ARL15: variants seen among roughly 807,000 people sequenced by gnomAD.
ARL15 encodes the protein ADP-ribosylation factor-like protein 15.
A neutral mutation model predicts 25.2 loss-of-function variants in ARL15; 19 were observed. The observed-to-expected ratio is 0.75, with a 90% CI of 0.53 to 1.10. The LOEUF is 1.10. ARL15 is among the 50% of genes least tolerant of loss of function. The pLI, the probability that ARL15 is intolerant of heterozygous loss-of-function variation, is 0.00. For synonymous variants in ARL15, 94 were observed against 86.8 expected (o/e 1.08, Z -0.46); for missense variants, 220 against 246.0 (o/e 0.89, Z 0.71).
chr5:53,959,423 C>T (rs1343253030), intron 4 of ARL15, among the ~76,000 whole-genome samples: 8 of 152,050 alleles, frequency 5.3e-5, no homozygotes, highest in Middle Eastern at 3.2e-3. Flanking sequence ...AACATAAAAT[C>T]CTTGCCTTCA....
Position 53,956,286 on chromosome 5 carries a change from A to C in ARL15, c.463-69573T>G, listed in dbSNP as rs966090196. On this transcript the variant is annotated intron_variant, in intron 4 of 4. Coordinates refer to ENST00000504924, the MANE Select transcript of ARL15 (RefSeq NM_019087.3). Reference sequence around the variant, plus strand: ...AGTTTAGAAATGTCACTAAACTAACAGCTGCAGCTTACAGCAAACAACAAC... The same window carrying C: ...AGTTTAGAAATGTCACTAAACTAACCGCTGCAGCTTACAGCAAACAACAAC... Among the ~76,000 whole-genome samples, 6 of 152,136 alleles carry C rather than the reference A, an allele frequency of 3.9e-5. No homozygotes were observed. The East Asian group carries it at 5.8e-4, about 15-fold the overall frequency.
chr5:54,039,436 T>G (rs1252889568), intron 4 of ARL15, among the ~76,000 whole-genome samples: 1 of 152,210 alleles, frequency 6.6e-6, no homozygotes, highest in African/African-American at 2.4e-5. Flanking sequence ...TAATGAGGTT[T>G]CTACAGAACA....
At chr5:54,113,716 A>G (rs574688868) in intron 3 of ARL15, among the ~76,000 whole-genome samples, 1 of 152,314 alleles carries the variant, frequency 6.6e-6, no homozygotes, top group East Asian at 1.9e-4. Flanking sequence ...CTTAAACTCA[A>G]AAGGATATTT....
At chr5:54,273,957 G>T (rs990123894) in intron 1 of ARL15, among the ~76,000 whole-genome samples, 1 of 152,194 alleles carries the variant, frequency 6.6e-6, no homozygotes, top group Non-Finnish European at 1.5e-5. Flanking sequence ...TTTGGCTGAT[G>T]AAAGGCTCTA....
At chr5:54,286,725 AG>A (rs1479488286) in intron 1 of ARL15, among the ~76,000 whole-genome samples, 1 of 152,196 alleles carries the variant, frequency 6.6e-6, no homozygotes, top group East Asian at 1.9e-4. Context: ...AAAAGTATGG[AG>A]GGAGAGAAAT....
At chr5:54,196,653 G>A (rs1755558362) in intron 1 of ARL15, among the ~76,000 whole-genome samples, 3 of 151,948 alleles carry the variant, frequency 2.0e-5, no homozygotes, top group Admixed American at 2.0e-4. Flanking sequence ...GGGTAGAACA[G>A]AAAACACAAA....
chr5:54,084,157 G>A (rs274369), intron 4 of ARL15, among the ~76,000 whole-genome samples: 4 of 151,944 alleles, frequency 2.6e-5, no homozygotes, highest in East Asian at 1.9e-4. Context: ...ACTGCAGGCC[G>A]TTGGAGTGCT....
At chr5:54,067,847 T>C (rs1751290820) in intron 4 of ARL15, among the ~76,000 whole-genome samples, 1 of 152,180 alleles carries the variant, frequency 6.6e-6, no homozygotes, top group South Asian at 2.1e-4. Flanking sequence ...CATATTTCAG[T>C]TCCCTTTCTC....
chr5:54,169,530 G>C (rs1255563202), intron 2 of ARL15, among the ~76,000 whole-genome samples: 1 of 152,144 alleles, frequency 6.6e-6, no homozygotes, highest in Non-Finnish European at 1.5e-5. Context: ...TATGGAAAAA[G>C]ATTCCTACCT....
intron 4 of ARL15, among the ~76,000 whole-genome samples, chr5:54,060,129 TAAAAA>T (rs1165458695): frequency 1.3e-5 from 1 of 77,562 alleles, no homozygotes; most frequent in Non-Finnish European, 2.5e-5. Flanking sequence ...ATCTGATGAC[TAAAAA>T]AAAAAAAAAA....
At chr5:54,140,461 TAGATAG>T (rs1554043186) in intron 3 of ARL15, among the ~76,000 whole-genome samples, 237 of 123,566 alleles carry the variant, frequency 1.9e-3, no homozygotes, top group Non-Finnish European at 3.0e-3. Flanking sequence ...GATAGATAGA[TAGATAG>T]AGATAGAGAT....
Position 54,310,531 on chromosome 5 carries a change from C to T in ARL15, c.-52G>A, listed in dbSNP as rs1758871124. ...CTCCGAACCCGGAAAAAAAAAGCAG[C>T]GTCTCTGGCTGCGAGCGAGCAGCTC... On this transcript the variant is annotated 5_prime_UTR_variant, in exon 1 of 5. Coordinates refer to ENST00000504924, the MANE Select transcript of ARL15 (RefSeq NM_019087.3). The T allele has an allele frequency of 1.9e-6, 3 of 1,557,612 alleles. No individual in the cohort carries two copies. Among genetic ancestry groups the T allele is most frequent in the African/African-American group, 2.7e-5 (2 of 72,864 alleles).
intron 4 of ARL15, among the ~76,000 whole-genome samples, chr5:54,024,110 T>G (rs1247779859): frequency 1.3e-5 from 2 of 152,232 alleles, no homozygotes; most frequent in South Asian, 4.1e-4. Flanking sequence ...CTCCTATTAA[T>G]CTGCCTTTTG....
intron 4 of ARL15, among the ~76,000 whole-genome samples, chr5:53,956,126 C>G (rs1401523066): frequency 6.6e-6 from 1 of 152,060 alleles, no homozygotes; most frequent in East Asian, 1.9e-4. Context: ...TTCTTCCCCC[C>G]ACCCCACTTC....
intron 1 of ARL15, among the ~76,000 whole-genome samples, chr5:54,235,837 G>C (rs1208369460): frequency 6.6e-6 from 1 of 152,106 alleles, no homozygotes; most frequent in Non-Finnish European, 1.5e-5. Context: ...AATAATGGAA[G>C]GGCATTTGAC....
At chr5:54,029,333 T>TACCACCACCACCACCACCACCACCACC (rs34152775) in intron 4 of ARL15, among the ~76,000 whole-genome samples, 5 of 94,668 alleles carry the variant, frequency 5.3e-5, no homozygotes, top group East Asian at 2.5e-4. Flanking sequence ...CCACCACCAC[T>TACCACCACCACCACCACCACCACCACC]ACCACCACCA....
chr5:53,984,397 G>T (rs1156771630), intron 4 of ARL15, among the ~76,000 whole-genome samples: 2 of 151,712 alleles, frequency 1.3e-5, no homozygotes, highest in Non-Finnish European at 2.9e-5. Context: ...CCTTTCTTTT[G>T]CTTTTTCCTT....
rs1752337416 is a variant in ARL15, at chr5:54,098,076, T to C, written c.462+15126A>G. Among the ~76,000 whole-genome samples, 3 of 152,298 alleles carry C rather than the reference T, an allele frequency of 2.0e-5. No homozygotes were observed. The South Asian group carries it at 6.2e-4, about 32-fold the overall frequency. ...GTAAAACAGGCCAACCATGAGAGGA[T>C]GTTTAAAACCTGTAGCATTAAAAAA... On this transcript the variant is annotated intron_variant, in intron 4 of 4. Transcript: ENST00000504924.
intron 4 of ARL15, among the ~76,000 whole-genome samples, chr5:54,081,565 A>C (rs911294021): frequency 6.6e-6 from 1 of 152,098 alleles, no homozygotes; most frequent in African/African-American, 2.4e-5. Context: ...GGTTTCCCCC[A>C]TGCTCTTCTG....
Sources: gnomAD v4.1 joint callset for allele counts (sites outside exome capture counted in the v4.1 genomes callset) on GRCh38, gnomAD v4.1.1 for gene constraint, MANE v1.5 for transcripts, NCBI Gene and HGNC (gene_info 2026-07-23, HGNC 2026-07-21) for gene names.